The following VEGFC variants were observed in gnomAD, a reference collection of about 807,000 sequenced individuals.
The protein encoded by VEGFC is FLT4 ligand DHM.
A neutral mutation model predicts 46.1 loss-of-function variants in VEGFC; 12 were observed. The ratio of observed to expected loss-of-function variants is 0.26; its 90% CI spans 0.17 to 0.42. The LOEUF (loss-of-function observed/expected upper bound fraction) is 0.42. VEGFC is among the 10% of genes least tolerant of loss of function. VEGFC has a pLI of 1.00. For synonymous variants in VEGFC, 232 were observed against 195.5 expected (o/e 1.19, Z -1.56); for missense variants, 488 against 529.4 (o/e 0.92, Z 0.77).
chr4:176,779,878 A>G (rs1735879065), intron 1 of VEGFC, among the ~76,000 whole-genome samples: 1 of 152,240 alleles, frequency 6.6e-6, no homozygotes, highest in Non-Finnish European at 1.5e-5. Context: ...ATGTACCACC[A>G]GTGAAATCAT....
chr4:176,730,039 T>C (rs1193702553), intron 1 of VEGFC, among the ~76,000 whole-genome samples: 1 of 152,184 alleles, frequency 6.6e-6, no homozygotes, highest in East Asian at 1.9e-4. Flanking sequence ...TTTCAAATAA[T>C]TGGTCAATTT....
intron 3 of VEGFC, among the ~76,000 whole-genome samples, chr4:176,720,364 C>T (rs1291392982): frequency 2.0e-5 from 3 of 152,184 alleles, no homozygotes; most frequent in Non-Finnish European, 4.4e-5. Context: ...GTATCTCCAC[C>T]TAAACACCAT....
At chr4:176,750,476 A>C (rs1735324017) in intron 1 of VEGFC, among the ~76,000 whole-genome samples, 1 of 151,750 alleles carries the variant, frequency 6.6e-6, no homozygotes, top group Non-Finnish European at 1.5e-5. Context: ...AGTAAGAAAA[A>C]AATGTAAAAC....
chr4:176,703,880 T>C (rs2110990111), intron 4 of VEGFC, among the ~76,000 whole-genome samples: 1 of 152,236 alleles, frequency 6.6e-6, no homozygotes, highest in Non-Finnish European at 1.5e-5. Flanking sequence ...ATTGGGGAAA[T>C]TTACTTACCC....
At chr4:176,762,983 G>A (rs2110913643) in intron 1 of VEGFC, among the ~76,000 whole-genome samples, 1 of 152,342 alleles carries the variant, frequency 6.6e-6, no homozygotes, top group Admixed American at 6.5e-5. Flanking sequence ...GAAGGAGACT[G>A]CAAGGAAATT....
chr4:176,776,398 T>G (rs1735814023), intron 1 of VEGFC, among the ~76,000 whole-genome samples: 2 of 152,230 alleles, frequency 1.3e-5, no homozygotes, highest in African/African-American at 4.8e-5. Flanking sequence ...TTTTCTTCGT[T>G]TTTTAAACTG....
intron 4 of VEGFC, 65 bp downstream of exon 4, chr4:176,711,434 G>C: frequency 6.6e-7 from 1 of 1,504,312 alleles, no homozygotes; most frequent in Non-Finnish European, 8.9e-7. Flanking sequence ...TTTAACTTAT[G>C]TTTACTTGAA....
intron 1 of VEGFC, among the ~76,000 whole-genome samples, chr4:176,775,876 G>A (rs1735806263): frequency 6.6e-6 from 1 of 151,694 alleles, no homozygotes; most frequent in Admixed American, 6.6e-5. Context: ...TCATTCCCAC[G>A]CTATTAACAC....
In VEGFC at chr4:176,771,821, A is replaced by G. The variant is rs1360633615; in HGVS notation, c.147+20344T>C. 3.9e-5 allele frequency among the ~76,000 whole-genome samples: 6 copies of G among 152,212 alleles called. No individual in the cohort carries two copies. The East Asian group carries it at 1.2e-3, about 29-fold the overall frequency. ...GCCCTCTTATGCTTAGATGTTTGTC[A>G]TGATCACACAGTGTGGGATCTACAA... On this transcript the variant is annotated intron_variant, in intron 1 of 6. Coordinates refer to ENST00000618562, the MANE Select transcript of VEGFC (RefSeq NM_005429.5).
At chr4:176,758,996 C>A (rs1477225952) in intron 1 of VEGFC, among the ~76,000 whole-genome samples, 1 of 152,150 alleles carries the variant, frequency 6.6e-6, no homozygotes, top group African/African-American at 2.4e-5. Context: ...TCTAAAAGTT[C>A]ATTGTTAGCA....
intron 1 of VEGFC, 79 bp from the exon 2 acceptor site, chr4:176,729,825 T>A: frequency 8.9e-7 from 1 of 1,128,372 alleles, no homozygotes; most frequent in Non-Finnish European, 1.2e-6. Flanking sequence ...ACGGTTAGGT[T>A]TAATAGTATC....
chr4:176,758,607 CA>C (rs1735474907), intron 1 of VEGFC, among the ~76,000 whole-genome samples: 1 of 152,122 alleles, frequency 6.6e-6, no homozygotes, highest in South Asian at 2.1e-4. Context: ...CCCAAATCGA[CA>C]GCTTTCTGAC....
rs1238704495 is a variant in VEGFC, at chr4:176,773,029, G to T, written c.147+19136C>A. ...GAAAGTGCATGTATTTTCTTTATCG[G>T]CTTCTCTTACAGCCAGGAATGGCAA... On this transcript the variant is annotated intron_variant, in intron 1 of 6. Transcript: ENST00000618562. Among the ~76,000 whole-genome samples the T allele has an allele frequency of 2.6e-5, 4 of 152,212 alleles. No individual in the cohort carries two copies. The East Asian group carries it at 5.8e-4, about 22-fold the overall frequency.
chr4:176,691,172 G>T (rs1266121369), intron 4 of VEGFC, among the ~76,000 whole-genome samples: 1 of 152,126 alleles, frequency 6.6e-6, no homozygotes, highest in Non-Finnish European at 1.5e-5. Context: ...TAGAATGAAA[G>T]GAAATGTGGT....
At chr4:176,697,361 G>A (rs1734336389) in intron 4 of VEGFC, among the ~76,000 whole-genome samples, 1 of 151,990 alleles carries the variant, frequency 6.6e-6, no homozygotes, top group Non-Finnish European at 1.5e-5. Context: ...AGACATTTAT[G>A]CAGCCAAAAA....
intron 1 of VEGFC, among the ~76,000 whole-genome samples, chr4:176,769,883 C>T (rs950371341): frequency 2.0e-5 from 3 of 152,114 alleles, no homozygotes; most frequent in African/African-American, 4.8e-5. Context: ...CTGTACTCTC[C>T]AGTAATAACA....
chr4:176,777,129 T>C (rs929138045), intron 1 of VEGFC, among the ~76,000 whole-genome samples: 5 of 151,378 alleles, frequency 3.3e-5, no homozygotes, highest in Admixed American at 1.3e-4. Context: ...CTGGCTAACA[T>C]GGTGAAACCC....
At chr4:176,776,277 C>CA (rs569074001) in intron 1 of VEGFC, among the ~76,000 whole-genome samples, 273 of 151,778 alleles carry the variant, frequency 1.8e-3, no homozygotes, top group East Asian at 3.5e-3. Context: ...AGTGCCTTAG[C>CA]AAAAAAAAGC....
intron 4 of VEGFC, among the ~76,000 whole-genome samples, chr4:176,706,399 C>T (rs546456683): frequency 1.5e-4 from 23 of 151,920 alleles, no homozygotes; most frequent in African/African-American, 5.6e-4. Context: ...GAGGCCGAGG[C>T]GGGTAGATCA....
Sources: allele counts gnomAD v4.1 joint callset (sites outside exome capture counted in the v4.1 genomes callset), GRCh38; gene constraint gnomAD v4.1.1; transcripts MANE v1.5; gene names NCBI Gene and HGNC (gene_info 2026-07-23, HGNC 2026-07-21).